Variants in EPC1 observed in about 807,000 individuals in gnomAD.
The protein encoded by EPC1 is enhancer of polycomb homolog 1.
A neutral mutation model predicts 98.4 loss-of-function variants in EPC1; 12 were observed. That is an observed-to-expected ratio of 0.12 (90% CI 0.08 to 0.20). The LOEUF (loss-of-function observed/expected upper bound fraction) is 0.20. Among genes scored for constraint, EPC1 ranks in the 10% least tolerant of loss-of-function variants. EPC1 has a pLI of 1.00. For synonymous variants in EPC1, 357 were observed against 363.9 expected (o/e 0.98, Z 0.21); for missense variants, 729 against 990.5 (o/e 0.74, Z 3.54).
chr10:32,360,384 G>A (rs1253726577), intron 1 of EPC1, among the ~76,000 whole-genome samples: 3 of 152,178 alleles, frequency 2.0e-5, no homozygotes, highest in Admixed American at 6.5e-5. Context: ...GCTCCCAGGG[G>A]GTCAAGGCCT....
intron 1 of EPC1, among the ~76,000 whole-genome samples, chr10:32,369,558 A>C (rs1839691581): frequency 6.6e-6 from 1 of 152,238 alleles, no homozygotes; most frequent in Non-Finnish European, 1.5e-5. Context: ...GGAAGACAAC[A>C]CCCCAAATTG....
intron 1 of EPC1, among the ~76,000 whole-genome samples, chr10:32,334,027 T>C (rs1023232458): frequency 6.6e-6 from 1 of 152,212 alleles, no homozygotes; most frequent in African/African-American, 2.4e-5. Flanking sequence ...CAAACAAACA[T>C]GTACTACCTT....
chr10:32,278,361 G>T (rs1475873626), intron 10 of EPC1, among the ~76,000 whole-genome samples: 16 of 122,670 alleles, frequency 1.3e-4, no homozygotes, highest in East Asian at 5.1e-4. Flanking sequence ...GTATACTTTG[G>T]TTTTTTTTTG....
chr10:32,346,983 G>A lies in EPC1; in HGVS notation c.-68C>T, dbSNP rs943543717. 5.3e-5 allele frequency: 84 copies of A among 1,585,426 alleles called. No individual in the cohort carries two copies. The highest frequency in any genetic ancestry group is 2.7e-5 in the African/African-American group (2 of 74,566). On this transcript the variant is annotated 5_prime_UTR_variant, in exon 1 of 14. Coordinates refer to ENST00000319778, the MANE Select transcript of EPC1 (RefSeq NM_001272004.3). ...CGGCCAGCGGGATCATGGAGAACCG[G>A]GGGTTCGGTCCCCACTCGCCAACCG...
At chr10:32,275,170 C>T (rs1461128667) in intron 10 of EPC1, among the ~76,000 whole-genome samples, 1 of 152,210 alleles carries the variant, frequency 6.6e-6, no homozygotes, top group Non-Finnish European at 1.5e-5. Context: ...TAGAACTTTG[C>T]TGGCGTGTGT....
intron 1 of EPC1, among the ~76,000 whole-genome samples, chr10:32,336,063 T>G (rs1837943590): frequency 2.3e-5 from 1 of 44,132 alleles, no homozygotes; most frequent in African/African-American, 4.3e-5. Context: ...ATCTACTACC[T>G]TTTCTTTTTT....
chr10:32,279,620 T>C (rs1564521335), intron 10 of EPC1, among the ~76,000 whole-genome samples: 1 of 152,178 alleles, frequency 6.6e-6, no homozygotes, highest in Non-Finnish European at 1.5e-5. Flanking sequence ...AGAAAAATAA[T>C]TCAGAATGCT....
intron 10 of EPC1, among the ~76,000 whole-genome samples, chr10:32,274,878 T>G (rs1356397486): frequency 6.6e-6 from 1 of 152,168 alleles, no homozygotes; most frequent in Non-Finnish European, 1.5e-5. Flanking sequence ...AGTTAATATT[T>G]CTCATGTTTA....
intron 1 of EPC1, among the ~76,000 whole-genome samples, chr10:32,363,161 C>A (rs532193671): frequency 5.9e-5 from 9 of 152,314 alleles, no homozygotes; most frequent in African/African-American, 2.2e-4. Context: ...GCAACCTTGA[C>A]CTCTGAGGCT....
At chr10:32,313,121 T>C (rs1249789742) in intron 1 of EPC1, among the ~76,000 whole-genome samples, 1 of 152,288 alleles carries the variant, frequency 6.6e-6, no homozygotes, top group Non-Finnish European at 1.5e-5. Flanking sequence ...ATGTAAACTG[T>C]AGTTCTTAAA....
chr10:32,370,690 C>T (rs1040329333), intron 1 of EPC1, among the ~76,000 whole-genome samples: 1 of 152,184 alleles, frequency 6.6e-6, no homozygotes, highest in African/African-American at 2.4e-5. Flanking sequence ...TAAATCTGTG[C>T]TGTCCGATAT....
chr10:32,377,903 T>C (rs1028897711), intron 1 of EPC1, among the ~76,000 whole-genome samples: 1 of 152,224 alleles, frequency 6.6e-6, no homozygotes, highest in African/African-American at 2.4e-5. Flanking sequence ...GATTATCTAA[T>C]GAAGAGCTTC....
intron 1 of EPC1, among the ~76,000 whole-genome samples, chr10:32,373,543 C>T (rs1413525149): frequency 6.6e-6 from 1 of 152,154 alleles, no homozygotes; most frequent in Non-Finnish European, 1.5e-5. Context: ...ATTTCAGTCC[C>T]CTTGTCAGTG....
intron 1 of EPC1, among the ~76,000 whole-genome samples, chr10:32,330,284 CAAT>C (rs768409002): frequency 2.6e-5 from 4 of 152,172 alleles, no homozygotes; most frequent in Non-Finnish European, 4.4e-5. Context: ...GCAATAGAGA[CAAT>C]AACATCTGAA....
At chr10:32,357,606 G>A (rs761275186) in intron 1 of EPC1, among the ~76,000 whole-genome samples, 15 of 151,952 alleles carry the variant, frequency 9.9e-5, no homozygotes, top group South Asian at 2.1e-4. Flanking sequence ...CTACAGGTGC[G>A]TGCCACCATG....
intron 1 of EPC1, among the ~76,000 whole-genome samples, chr10:32,328,708 G>A (rs1837454376): frequency 6.6e-6 from 1 of 152,208 alleles, no homozygotes; most frequent in South Asian, 2.1e-4. Context: ...TCTAGGGTAA[G>A]CCAGCCCTTG....
intron 1 of EPC1, among the ~76,000 whole-genome samples, chr10:32,307,074 T>A (rs950656044): frequency 6.6e-6 from 1 of 152,244 alleles, no homozygotes; most frequent in Admixed American, 6.5e-5. Flanking sequence ...TGTAGAACTT[T>A]ATCCCTAGCT....
chr10:32,362,232 C>A (rs1439499172), intron 1 of EPC1, among the ~76,000 whole-genome samples: 2 of 152,026 alleles, frequency 1.3e-5, no homozygotes, highest in Admixed American at 1.3e-4. Context: ...GATGGGGACC[C>A]CTTTCTGGTA....
intron 1 of EPC1, among the ~76,000 whole-genome samples, chr10:32,353,960 T>A (rs1288146587): frequency 1.3e-5 from 2 of 152,218 alleles, no homozygotes; most frequent in Non-Finnish European, 2.9e-5. Flanking sequence ...ATGTTGTTTT[T>A]TTCATCTAGG....
Sources: gnomAD v4.1 joint callset for allele counts (sites outside exome capture counted in the v4.1 genomes callset) on GRCh38, gnomAD v4.1.1 for gene constraint, MANE v1.5 for transcripts, NCBI Gene and HGNC (gene_info 2026-07-23, HGNC 2026-07-21) for gene names.